Variants in NAALADL2 observed in about 807,000 individuals in gnomAD.
The protein encoded by NAALADL2 is inactive N-acetylated-alpha-linked acidic dipeptidase-like protein 2.
NAALADL2 carries 76 observed loss-of-function variants against 87.2 expected under a neutral mutation model. The observed-to-expected ratio is 0.87, with a 90% confidence interval of 0.72 to 1.05. NAALADL2 has a LOEUF of 1.05. Among genes scored for constraint, NAALADL2 ranks in the 50% least tolerant of loss-of-function variants. The probability of loss-of-function intolerance (pLI) is 0.00; values close to 1 mark genes in which losing one functional copy is unlikely to be tolerated. For synonymous variants in NAALADL2, 354 were observed against 331.0 expected (o/e 1.07, Z -0.75); for missense variants, 1,089 against 945.8 (o/e 1.15, Z -1.99).
intron 4 of NAALADL2, among the ~76,000 whole-genome samples, chr3:175,283,376 T>C (rs2110093435): frequency 6.6e-6 from 1 of 152,152 alleles, no homozygotes; most frequent in Non-Finnish European, 1.5e-5. Flanking sequence ...CCTAAAATAA[T>C]AGAATTTGTG....
At chr3:175,233,496 C>A (rs1302639541) in intron 2 of NAALADL2, among the ~76,000 whole-genome samples, 1 of 152,088 alleles carries the variant, frequency 6.6e-6, no homozygotes, top group African/African-American at 2.4e-5. Flanking sequence ...AGCTGGTATG[C>A]AATAGTTCCA....
chr3:174,802,285 C>T (rs1718937597), intron 3 of NAALADL2, among the ~76,000 whole-genome samples: 1 of 151,934 alleles, frequency 6.6e-6, no homozygotes, highest in Non-Finnish European at 1.5e-5. Context: ...AAACATTAAA[C>T]AAATGGCACA....
intron 1 of NAALADL2, among the ~76,000 whole-genome samples, chr3:174,527,792 T>C (rs1720895790): frequency 6.6e-6 from 1 of 152,186 alleles, no homozygotes; most frequent in African/African-American, 2.4e-5. Context: ...GTGTTTCTTA[T>C]GTTCTGGGAT....
rs1430802993 is a variant in NAALADL2 at position 175,588,529 on chromosome 3, C to CTTTTTTTTTT, written c.1800+12346_1800+12347insTTTTTTTTTT. Among the ~76,000 whole-genome samples, 67 of 94,454 alleles carry CTTTTTTTTTT rather than the reference C, an allele frequency of 7.1e-4. 1 individual carries two copies. Among genetic ancestry groups the CTTTTTTTTTT allele is most frequent in the African/African-American group, 2.5e-3 (63 of 24,998 alleles). The allele number at this position is 94,454 out of a possible 152,430, so 62.0% of individuals were successfully genotyped here. ...TCAATTTAGGAGACTTTCTTTCTTT[C>CTTTTTTTTTT]TTTTCTTTTTTTTTTTTTTTTTTTT... On this transcript the variant is annotated intron_variant, in intron 10 of 13. Coordinates refer to ENST00000454872, the MANE Select transcript of NAALADL2 (RefSeq NM_207015.3).
intron 11 of NAALADL2, among the ~76,000 whole-genome samples, chr3:175,628,619 A>ATG (rs1376074302): frequency 4.8e-4 from 65 of 134,694 alleles, no homozygotes; most frequent in Admixed American, 1.3e-3. Flanking sequence ...CTCTCTATGT[A>ATG]TATATATATA....
chr3:174,923,333 C>A (rs1172239107), intron 1 of NAALADL2, among the ~76,000 whole-genome samples: 1 of 151,984 alleles, frequency 6.6e-6, no homozygotes, highest in Non-Finnish European at 1.5e-5. Context: ...AGTACATATC[C>A]ATGAGTACAT....
At chr3:175,694,603 T>C (rs2149931239) in intron 11 of NAALADL2, among the ~76,000 whole-genome samples, 1 of 152,264 alleles carries the variant, frequency 6.6e-6, no homozygotes, top group South Asian at 2.1e-4. Context: ...TTTGACTAAG[T>C]GTGTCTACTT....
chr3:175,179,111 A>C (rs1304662878), intron 2 of NAALADL2, among the ~76,000 whole-genome samples: 2 of 152,016 alleles, frequency 1.3e-5, no homozygotes, highest in Non-Finnish European at 2.9e-5. Flanking sequence ...GCTTTCTATG[A>C]TCCACGAGAA....
At chr3:175,230,258 G>C (rs566961835) in intron 2 of NAALADL2, among the ~76,000 whole-genome samples, 2 of 152,108 alleles carry the variant, frequency 1.3e-5, no homozygotes, top group East Asian at 3.9e-4. Flanking sequence ...CCACAGCATT[G>C]AGGATTTCTT....
intron 11 of NAALADL2, among the ~76,000 whole-genome samples, chr3:175,724,256 A>G (rs1158317901): frequency 2.0e-5 from 3 of 152,194 alleles, no homozygotes; most frequent in Non-Finnish European, 4.4e-5. Context: ...ACATCCTGGG[A>G]TATTGGAGAA....
chr3:175,217,746 A>G (rs1742772189), intron 2 of NAALADL2, among the ~76,000 whole-genome samples: 1 of 152,226 alleles, frequency 6.6e-6, no homozygotes, highest in Non-Finnish European at 1.5e-5. Flanking sequence ...CATTGAACCA[A>G]ACATTGAAAA....
At chr3:174,779,882 A>G (rs181795762) in intron 3 of NAALADL2, among the ~76,000 whole-genome samples, 1 of 152,142 alleles carries the variant, frequency 6.6e-6, no homozygotes, top group African/African-American at 2.4e-5. Context: ...GTAGCCTTGT[A>G]GTATAGTTTG....
intron 2 of NAALADL2, among the ~76,000 whole-genome samples, chr3:175,111,595 A>G (rs1189081974): frequency 6.6e-6 from 1 of 151,700 alleles, no homozygotes; most frequent in African/African-American, 2.4e-5. Context: ...CAAAATTTGA[A>G]AAATGGTTTT....
intron 3 of NAALADL2, among the ~76,000 whole-genome samples, chr3:175,243,796 A>T (rs1013699169): frequency 3.9e-5 from 6 of 152,092 alleles, no homozygotes; most frequent in Non-Finnish European, 7.4e-5. Context: ...AGGGGCAGGG[A>T]ATTTCCTTCA....
chr3:174,699,181 A>G (rs1283766164), intron 2 of NAALADL2, among the ~76,000 whole-genome samples: 1 of 151,978 alleles, frequency 6.6e-6, no homozygotes, highest in Admixed American at 6.6e-5. Context: ...TCATCCACTT[A>G]TTTTATTCTT....
At chr3:174,444,267 AGT>A (rs1325966228) in intron 1 of NAALADL2, among the ~76,000 whole-genome samples, 1 of 152,132 alleles carries the variant, frequency 6.6e-6, no homozygotes, top group Non-Finnish European at 1.5e-5. Flanking sequence ...GAGAAGGAAA[AGT>A]GTGGGGGCAC....
At chr3:175,391,633 G>A (rs2149022949) in intron 5 of NAALADL2, among the ~76,000 whole-genome samples, 1 of 152,288 alleles carries the variant, frequency 6.6e-6, no homozygotes, top group Non-Finnish European at 1.5e-5. Flanking sequence ...GATCTCAGCT[G>A]AGGTAGAGGT....
chr3:174,524,620 C>T (rs1720560718), intron 1 of NAALADL2, among the ~76,000 whole-genome samples: 1 of 151,926 alleles, frequency 6.6e-6, no homozygotes, highest in African/African-American at 2.4e-5. Flanking sequence ...TTATAGCTCA[C>T]TGCAGCCTTG....
intron 1 of NAALADL2, among the ~76,000 whole-genome samples, chr3:174,876,508 T>C (rs909205630): frequency 6.6e-6 from 1 of 152,148 alleles, no homozygotes; most frequent in Non-Finnish European, 1.5e-5. Context: ...TACGCATAGG[T>C]AGGAGATACA....
Sources: gnomAD v4.1 joint callset for allele counts (sites outside exome capture counted in the v4.1 genomes callset) on GRCh38, gnomAD v4.1.1 for gene constraint, MANE v1.5 for transcripts, NCBI Gene and HGNC (gene_info 2026-07-23, HGNC 2026-07-21) for gene names.